The following MCUB variants were observed in gnomAD, a reference collection of about 807,000 sequenced individuals.
MCUB encodes the protein mitochondrial calcium uniporter dominant negative subunit beta, also known as calcium uniporter regulatory subunit MCUb, mitochondrial.
MCUB carries 46 observed loss-of-function variants against 41.4 expected under a neutral mutation model. That is an observed-to-expected ratio of 1.11 (90% CI 0.88 to 1.42). MCUB has a LOEUF of 1.42. Ranked by LOEUF, MCUB falls within the 40% of genes most tolerant of loss-of-function variation. The pLI is 0.00. For missense variants in MCUB, 403 were observed against 404.9 expected, an observed-to-expected ratio of 1.00 and a Z score of 0.04; for synonymous variants, 148 against 148.2, an observed-to-expected ratio of 1.00 and a Z score of 0.01.
Position 109,579,728 on chromosome 4 carries a change from A to G in MCUB, c.99+19292A>G, listed in dbSNP as rs1046559834. On this transcript the variant is annotated intron_variant, in intron 1 of 7. Coordinates refer to ENST00000394650, the MANE Select transcript of MCUB (RefSeq NM_017918.5). ...AAGGATCAGTGCAAAAATCCTGACC[A>G]CTGCCATGTAGAAAAGAGCTGTGTG... is the stretch of plus-strand genomic sequence containing the variant. Among the ~76,000 whole-genome samples, 4 of 152,196 alleles carry G rather than the reference A, an allele frequency of 2.6e-5. No individual in the cohort carries two copies. The East Asian group carries it at 7.7e-4, about 29-fold the overall frequency.
intron 7 of MCUB, among the ~76,000 whole-genome samples, chr4:109,686,536 A>C (rs1240259739): frequency 6.6e-6 from 1 of 152,234 alleles, no homozygotes; most frequent in Non-Finnish European, 1.5e-5. Context: ...ATATTTGAAT[A>C]ATCCTATCTG....
At chr4:109,611,870 G>A (rs1728014884) in intron 1 of MCUB, among the ~76,000 whole-genome samples, 2 of 152,190 alleles carry the variant, frequency 1.3e-5, no homozygotes, top group African/African-American at 4.8e-5. Flanking sequence ...AGAAAATAAA[G>A]CCCTATGATG....
intron 1 of MCUB, among the ~76,000 whole-genome samples, chr4:109,566,959 G>A (rs1726792946): frequency 1.3e-5 from 2 of 151,932 alleles, no homozygotes; most frequent in African/African-American, 4.8e-5. Context: ...AAAAAATACA[G>A]AAAATTAGCT....
chr4:109,659,528 T>C (rs1729178758), intron 2 of MCUB, among the ~76,000 whole-genome samples: 1 of 152,148 alleles, frequency 6.6e-6, no homozygotes, highest in South Asian at 2.1e-4. Flanking sequence ...AGGTAGAGGC[T>C]GCAGTGAGCC....
chr4:109,588,898 T>A (rs1579052762), intron 1 of MCUB, among the ~76,000 whole-genome samples: 1 of 152,142 alleles, frequency 6.6e-6, no homozygotes, highest in Admixed American at 6.5e-5. Context: ...AAAAAGGAAG[T>A]GTAATAGAAT....
intron 6 of MCUB, 117 bp downstream of exon 6, chr4:109,684,763 A>C (rs1729798888): frequency 3.3e-6 from 2 of 605,636 alleles, no homozygotes; most frequent in Admixed American, 6.3e-5. Flanking sequence ...GGTTTTTATG[A>C]GCTGGTAAAT....
intron 1 of MCUB, among the ~76,000 whole-genome samples, chr4:109,638,598 T>G (rs560514703): frequency 3.3e-5 from 5 of 152,098 alleles, no homozygotes; most frequent in Non-Finnish European, 7.4e-5. Flanking sequence ...TTCCTTAAAA[T>G]AAGAGAACCA....
intron 1 of MCUB, among the ~76,000 whole-genome samples, chr4:109,640,247 G>C (rs900556449): frequency 6.6e-6 from 1 of 152,170 alleles, no homozygotes; most frequent in Non-Finnish European, 1.5e-5. Flanking sequence ...GTTAGGGTGG[G>C]GCAAGAACAG....
intron 1 of MCUB, among the ~76,000 whole-genome samples, chr4:109,575,607 C>T (rs1448820028): frequency 6.6e-6 from 1 of 152,184 alleles, no homozygotes; most frequent in African/African-American, 2.4e-5. Flanking sequence ...AGTGACTAAG[C>T]ATCGTAATCA....
intron 1 of MCUB, among the ~76,000 whole-genome samples, chr4:109,600,845 A>C (rs1727714352): frequency 6.6e-6 from 1 of 152,036 alleles, no homozygotes; most frequent in African/African-American, 2.4e-5. Context: ...ACCAGGCAGG[A>C]GTACAGTGGC....
At chr4:109,588,373 C>G (rs560503064) in intron 1 of MCUB, among the ~76,000 whole-genome samples, 1 of 152,096 alleles carries the variant, frequency 6.6e-6, no homozygotes, top group Non-Finnish European at 1.5e-5. Context: ...GGGCAGCAGC[C>G]GAGAAATTGC....
chr4:109,568,650 A>G (rs1406316539), intron 1 of MCUB, among the ~76,000 whole-genome samples: 21 of 152,084 alleles, frequency 1.4e-4, no homozygotes, highest in Admixed American at 1.4e-3. Context: ...CTGAAGGCAG[A>G]TTCCATTATA....
intron 1 of MCUB, among the ~76,000 whole-genome samples, chr4:109,642,350 C>A (rs528705622): frequency 6.6e-6 from 1 of 152,254 alleles, no homozygotes; most frequent in Admixed American, 6.5e-5. Flanking sequence ...ATGGAAAGGG[C>A]AAATCGTAGC....
intron 1 of MCUB, among the ~76,000 whole-genome samples, chr4:109,574,462 G>A (rs1726983699): frequency 6.6e-6 from 1 of 152,142 alleles, no homozygotes; most frequent in African/African-American, 2.4e-5. Context: ...CTAGAGCCTG[G>A]TGCTGGAGAA....
intron 1 of MCUB, among the ~76,000 whole-genome samples, chr4:109,586,385 G>A (rs184420185): frequency 1.7e-4 from 26 of 152,176 alleles, no homozygotes; most frequent in South Asian, 4.1e-4. Context: ...GCTTCCTTGC[G>A]ATGGGTTCGA....
chr4:109,594,507 T>C (rs1727510083), intron 1 of MCUB, among the ~76,000 whole-genome samples: 1 of 152,100 alleles, frequency 6.6e-6, no homozygotes. Context: ...AATACAAAAG[T>C]TAGCCGGGTG....
At chr4:109,639,885 C>T (rs181033851) in intron 1 of MCUB, among the ~76,000 whole-genome samples, 1 of 152,296 alleles carries the variant, frequency 6.6e-6, no homozygotes, top group Admixed American at 6.5e-5. Flanking sequence ...TCAGCCCCAA[C>T]ACAGCGTTAT....
chr4:109,624,910 T>TGG (rs925744781), intron 1 of MCUB, among the ~76,000 whole-genome samples: 5 of 151,892 alleles, frequency 3.3e-5, no homozygotes, highest in African/African-American at 1.2e-4. Context: ...GAGGCCAAGG[T>TGG]GGGTGGATCA....
chr4:109,684,988 T>C (rs1729804622), intron 6 of MCUB: 1 of 392,868 alleles, frequency 2.5e-6, no homozygotes, highest in East Asian at 4.2e-5. Flanking sequence ...GCCAAAAATC[T>C]CCCTTTTCTT....
Sources: gnomAD v4.1 joint callset for allele counts (sites outside exome capture counted in the v4.1 genomes callset) on GRCh38, gnomAD v4.1.1 for gene constraint, MANE v1.5 for transcripts, NCBI Gene and HGNC (gene_info 2026-07-23, HGNC 2026-07-21) for gene names.